Variants in ASXL2 observed in about 807,000 individuals in gnomAD.
The protein encoded by ASXL2 is ASXL transcriptional regulator 2.
ASXL2 carries 23 observed loss-of-function variants against 122.0 expected under a neutral mutation model. The ratio of observed to expected loss-of-function variants is 0.19; its 90% confidence interval spans 0.14 to 0.27. ASXL2 has a LOEUF of 0.27. Ranked by LOEUF, ASXL2 falls within the 10% of genes least tolerant of loss-of-function variation. The probability of loss-of-function intolerance (pLI) is 1.00; values close to 1 mark genes in which losing one functional copy is unlikely to be tolerated. For missense variants in ASXL2, 1,518 were observed against 1,713.8 expected, an observed-to-expected ratio of 0.89 and a Z score of 2.02; for synonymous variants, 650 against 637.0, an observed-to-expected ratio of 1.02 and a Z score of -0.31.
Position 25,759,551 on chromosome 2 carries a change from G to A in ASXL2, c.870C>T (p.His290=), listed in dbSNP as rs748500658. ...NTNLRALINK[H]TFSVLPGDCQ... ...AATCTCCAGGAAGGACTGAAAATGTGTGCTTGTTGATCAGTGCTCGCAGAT... is the reference window on the plus strand; with the variant it reads ...AATCTCCAGGAAGGACTGAAAATGTATGCTTGTTGATCAGTGCTCGCAGAT... Residue 290 remains histidine (H), a synonymous_variant, in exon 9 of 13, where the codon CAC becomes CAT. Transcript: ENST00000435504. The A allele has an allele frequency of 1.2e-6, 2 of 1,613,994 alleles. No individual in the cohort carries two copies. Among genetic ancestry groups the A allele is most frequent in the Admixed American group, 3.3e-5 (2 of 60,028 alleles).
intron 5 of ASXL2, among the ~76,000 whole-genome samples, chr2:25,772,054 C>T (rs573073772): frequency 6.6e-6 from 1 of 152,118 alleles, no homozygotes; most frequent in Admixed American, 6.5e-5. Flanking sequence ...TAAGATGTCT[C>T]TAATGGAAGC....
chr2:25,824,910 G>A (rs1406599430), intron 3 of ASXL2, among the ~76,000 whole-genome samples: 1 of 152,110 alleles, frequency 6.6e-6, no homozygotes, highest in Non-Finnish European at 1.5e-5. Flanking sequence ...CCAGAATAAA[G>A]GTCATTAAGT....
chr2:25,742,037 C>G lies in ASXL2; in HGVS notation c.4300G>C (p.Val1434Leu). The G allele has an allele frequency of 1.9e-6, 3 of 1,611,358 alleles. No individual in the cohort carries two copies. The highest frequency in any genetic ancestry group is 2.5e-6 in the Non-Finnish European group (3 of 1,178,106). ...PSKLCVSCLVVR is the reference protein window; with the variant it reads ...PSKLCVSCLVLR ...ATCTCTTTCTAGTCTCATTACCGAA[C>G]GACAAGGCAGGAGACGCACAGTTTG... Residue 1434 changes from valine to leucine, a missense_variant, in exon 13 of 13, where the codon GTT becomes CTT. By Grantham distance (32) the Val-to-Leu change is conservative. This residue lies in a region of ASXL2 where 17 missense variants were observed against 37.3 expected (regional missense o/e 0.46). Coordinates refer to ENST00000435504, the MANE Select transcript of ASXL2 (RefSeq NM_018263.6).
At chr2:25,845,220 C>A in intron 2 of ASXL2, 1 of 460,920 alleles carries the variant, frequency 2.2e-6, no homozygotes, top group South Asian at 1.8e-5. Flanking sequence ...TTGAAGATGG[C>A]TCCAGGTCTT....
rs554948884 is a variant in ASXL2 at position 25,743,613 on chromosome 2, T to C, written c.2724A>G (p.Thr908=). The C allele has an allele frequency of 1.2e-5, 19 of 1,614,042 alleles. No individual in the cohort carries two copies. In the East Asian group the frequency reaches 3.8e-4, roughly 32 times the overall value. Residue 908 remains threonine, a synonymous_variant, in exon 13 of 13, where the codon ACA becomes ACG. Transcript: ENST00000435504. ...AGGGTGGAGCTGATCCAGCAGGTGC[T>C]GTAGTTGCACTGACCTGGGGTACAG... ...KLPVPQVSAT[T]APAGSAPPSS...
chr2:25,867,285 T>C (rs1328461021), intron 1 of ASXL2, among the ~76,000 whole-genome samples: 1 of 152,030 alleles, frequency 6.6e-6, no homozygotes, highest in African/African-American at 2.4e-5. Context: ...CAAGACCTCT[T>C]TTATGTGTGG....
intron 5 of ASXL2, among the ~76,000 whole-genome samples, chr2:25,777,181 G>A (rs959211879): frequency 1.2e-4 from 19 of 152,068 alleles, no homozygotes; most frequent in South Asian, 2.1e-4. Flanking sequence ...CTTGACCTCC[G>A]AGGCTCAAGC....
At position 25,797,690 on chromosome 2, in the gene ASXL2, AC is replaced by A. The variant is rs553344313; in HGVS notation, c.403+1694del. Among the ~76,000 whole-genome samples the A allele has an allele frequency of 1.9e-3, 297 of 152,332 alleles. 1 individual carries two copies. The highest frequency in any genetic ancestry group is 7.0e-3 in the African/African-American group (289 of 41,574). On this transcript the variant is annotated intron_variant, in intron 5 of 12. Transcript: ENST00000435504. ...ATGCAAATTAAAACAACGAGATACT[AC>A]TACACACCTATCAGGCCAAAATCCA...
chr2:25,857,506 A>C (rs935317142), intron 1 of ASXL2, among the ~76,000 whole-genome samples: 15 of 152,172 alleles, frequency 9.9e-5, no homozygotes, highest in Non-Finnish European at 7.3e-5. Flanking sequence ...TTAATCATGG[A>C]GCTACACTGG....
chr2:25,851,147 C>CA (rs570159423), intron 1 of ASXL2, among the ~76,000 whole-genome samples: 1,146 of 96,162 alleles, frequency 0.012, 3 homozygotes, highest in Middle Eastern at 0.061. Context: ...ACTCCTTCTC[C>CA]AAAAAAAAAA....
At chr2:25,840,912 C>T (rs1044421641) in intron 2 of ASXL2, among the ~76,000 whole-genome samples, 3 of 151,994 alleles carry the variant, frequency 2.0e-5, no homozygotes, top group Non-Finnish European at 4.4e-5. Context: ...TATTAAGGTC[C>T]GAGGAATGAA....
chr2:25,843,815 A>T (rs1369799187), intron 2 of ASXL2, among the ~76,000 whole-genome samples: 4 of 69,878 alleles, frequency 5.7e-5, no homozygotes, highest in African/African-American at 3.2e-4. Flanking sequence ...TCCATCTCTT[A>T]AAAAAAAAAA....
intron 5 of ASXL2, among the ~76,000 whole-genome samples, chr2:25,778,894 G>A (rs1216008732): frequency 2.6e-5 from 4 of 151,954 alleles, no homozygotes; most frequent in African/African-American, 4.8e-5. Flanking sequence ...AATTTAAATT[G>A]GAAATGGTAT....
intron 5 of ASXL2, among the ~76,000 whole-genome samples, chr2:25,786,979 CAAAA>C (rs368718510): frequency 7.2e-6 from 1 of 138,456 alleles, no homozygotes; most frequent in Non-Finnish European, 1.6e-5. Flanking sequence ...TACAAAATGG[CAAAA>C]AAAAAAAAGA....
intron 8 of ASXL2, among the ~76,000 whole-genome samples, chr2:25,766,775 C>G (rs1046639643): frequency 6.6e-6 from 1 of 152,096 alleles, no homozygotes; most frequent in Non-Finnish European, 1.5e-5. Flanking sequence ...CTCATCTGCC[C>G]CCAGCTATGT....
At chr2:25,800,252 C>T (rs980180036) in intron 4 of ASXL2, among the ~76,000 whole-genome samples, 3 of 152,106 alleles carry the variant, frequency 2.0e-5, no homozygotes, top group African/African-American at 4.8e-5. Flanking sequence ...GAGCTGTGAT[C>T]GTACTACTGC....
At chr2:25,844,575 CAA>C (rs796783017) in intron 2 of ASXL2, among the ~76,000 whole-genome samples, 2 of 119,158 alleles carry the variant, frequency 1.7e-5, no homozygotes, top group Non-Finnish European at 1.7e-5. Context: ...GACTCCGTCT[CAA>C]AAAAAAAAAC....
chr2:25,742,685 C>T lies in ASXL2; in HGVS notation c.3652G>A (p.Glu1218Lys), dbSNP rs2087852371. 2 of 1,613,974 alleles carry T rather than the reference C, an allele frequency of 1.2e-6. No individual in the cohort carries two copies. Among genetic ancestry groups the T allele is most frequent in the Non-Finnish European group, 1.7e-6 (2 of 1,179,872 alleles). The change falls in exon 13 of 13, where the codon GAA (glutamate) becomes AAA (lysine). Residue 1218 changes from glutamate to lysine, a missense_variant. Glu to Lys is a moderately conservative substitution (Grantham distance 56). Coordinates refer to ENST00000435504, the MANE Select transcript of ASXL2 (RefSeq NM_018263.6). ...GDTSSGPHSR[E>K]TLSTSDCLAS... ...AAGCAATCACTGGTAGATAGAGTTT[C>T]CCTGCTGTGAGGTCCTGAACTTGTG...
intron 3 of ASXL2, among the ~76,000 whole-genome samples, chr2:25,833,132 C>T (rs1038113367): frequency 5.3e-5 from 8 of 152,118 alleles, no homozygotes; most frequent in South Asian, 4.2e-4. Context: ...AATCTATACA[C>T]GTGATAAAAC....
Sources: gnomAD v4.1 joint callset for allele counts (sites outside exome capture counted in the v4.1 genomes callset) on GRCh38, gnomAD v4.1.1 for gene constraint, gnomAD v4.1.1 regional missense constraint, MANE v1.5 for transcripts, NCBI Gene and HGNC (gene_info 2026-07-23, HGNC 2026-07-21) for gene names.